C4orf50: variants seen among roughly 807,000 people sequenced by gnomAD.
C4orf50 encodes chromosome 4 open reading frame 50.
C4orf50 carries 80 observed loss-of-function variants against 77.2 expected under a neutral mutation model. That is an observed-to-expected ratio of 1.04 (90% CI 0.87 to 1.25). The LOEUF (loss-of-function observed/expected upper bound fraction) is 1.25, where lower values mean the gene tolerates loss of function less well. Among genes scored for constraint, C4orf50 ranks in the 50% most tolerant of loss-of-function variants. C4orf50 has a pLI of 0.00. For synonymous variants in C4orf50, 532 were observed against 465.3 expected (o/e 1.14, Z -1.84); for missense variants, 1,257 against 1,152.9 (o/e 1.09, Z -1.31).
chr4:5,997,842 T>C (rs1721663442), intron 25 of C4orf50, among the ~76,000 whole-genome samples: 1 of 152,250 alleles, frequency 6.6e-6, no homozygotes, highest in Non-Finnish European at 1.5e-5. Flanking sequence ...ATCATTTCTC[T>C]ACAGGATCTT....
intron 7 of C4orf50, chr4:5,899,993 C>G (rs1716276684): frequency 6.6e-6 from 1 of 152,194 alleles, no homozygotes; most frequent in Non-Finnish European, 1.5e-5. Flanking sequence ...CAGCCCAGAG[C>G]CCTTCCGACC....
intron 7 of C4orf50, among the ~76,000 whole-genome samples, chr4:5,941,867 G>A (rs534366195): frequency 6.6e-6 from 1 of 152,230 alleles, no homozygotes; most frequent in East Asian, 1.9e-4. Context: ...ACTTTCACTA[G>A]GTACTCCTTG....
Position 6,017,099 on chromosome 4 carries a change from C to T in C4orf50, c.287+1046G>A, listed in dbSNP as rs1024209784. Among the ~76,000 whole-genome samples the T allele has an allele frequency of 6.6e-6, 1 of 152,222 alleles. No individual in the cohort carries two copies. Among genetic ancestry groups the T allele is most frequent in the African/African-American group, 2.4e-5 (1 of 41,456 alleles). The stretch of plus-strand genomic sequence containing the variant: ...GAAAGACCTGGATTCAAACGCCCCA[C>T]CTTGAGGCCAGGTCAGCTCCATCAG... On this transcript the variant is annotated intron_variant, in intron 23 of 33. Coordinates refer to ENST00000531445, the Ensembl canonical transcript of C4orf50. This position sits in a 1 kb window ranked among gnomAD's most constrained non-coding sequence, Gnocchi z 4.7.
chr4:5,971,998 T>G (rs1719953470), intron 31 of C4orf50, among the ~76,000 whole-genome samples: 1 of 143,590 alleles, frequency 7.0e-6, no homozygotes, highest in Non-Finnish European at 1.5e-5. Flanking sequence ...AACCTGGAAC[T>G]CTGCTTTCGA....
Position 6,008,550 on chromosome 4 carries a change from A to T in C4orf50, c.427-18T>A, listed in dbSNP as rs1722351923. 2.5e-6 allele frequency: 1 copy of T among 397,638 alleles called. No homozygotes were observed. Among genetic ancestry groups the T allele is most frequent in the Non-Finnish European group, 4.4e-6 (1 of 225,434 alleles). The allele number at this position is 397,638 out of a possible 1,614,324, so 24.6% of individuals were successfully genotyped here. On this transcript the variant is annotated intron_variant, in intron 24 of 33. Coordinates refer to ENST00000531445, the Ensembl canonical transcript of C4orf50. The surrounding 1 kb of genome is among the most constrained non-coding windows in gnomAD (Gnocchi z 6.0). ...TCCCGGATCTACAAGTTGGCGGTGGATGAGGGCGTCAGCAAGCCCAAAGGA... is the reference window on the plus strand; with the variant it reads ...TCCCGGATCTACAAGTTGGCGGTGGTTGAGGGCGTCAGCAAGCCCAAAGGA...
intron 27 of C4orf50, among the ~76,000 whole-genome samples, chr4:5,991,206 C>T (rs1452589153): frequency 2.0e-5 from 3 of 152,200 alleles, no homozygotes; most frequent in African/African-American, 4.8e-5. Flanking sequence ...TCATCTAACT[C>T]CCCCTATAGC....
At chr4:5,967,657 T>A (rs1313933260) in intron 31 of C4orf50, among the ~76,000 whole-genome samples, 195 bp from the exon 10 acceptor site, 1 of 152,214 alleles carries the variant, frequency 6.6e-6, no homozygotes, top group Non-Finnish European at 1.5e-5. Context: ...AAAACGGAAT[T>A]GGTTTTGCTC....
chr4:5,927,642 T>C (rs112431564), intron 7 of C4orf50, among the ~76,000 whole-genome samples: 1 of 149,940 alleles, frequency 6.7e-6, no homozygotes, highest in African/African-American at 2.5e-5. Flanking sequence ...TCTCTCTCTC[T>C]GTCTCTCTTT....
At chr4:5,960,848 A>G (rs1028589959) in intron 33 of C4orf50, among the ~76,000 whole-genome samples, 1 of 152,176 alleles carries the variant, frequency 6.6e-6, no homozygotes, top group Admixed American at 6.5e-5. Context: ...TCTGGACTCC[A>G]TCTTATAATA....
At chr4:5,974,867 G>A (rs1420762460) in intron 30 of C4orf50, among the ~76,000 whole-genome samples, 2 of 152,144 alleles carry the variant, frequency 1.3e-5, no homozygotes, top group African/African-American at 2.4e-5. Flanking sequence ...GGCCGGGTAC[G>A]GTGGCTCATG....
chr4:6,004,649 A>G (rs1339219901), intron 25 of C4orf50, among the ~76,000 whole-genome samples: 1 of 116,318 alleles, frequency 8.6e-6, no homozygotes. Flanking sequence ...GGTGATGGTG[A>G]TTATGGTGAT....
At position 6,015,867 on chromosome 4, in the gene C4orf50, G is replaced by T. The variant is rs1013861202; in HGVS notation, c.287+2278C>A. Among the ~76,000 whole-genome samples the T allele has an allele frequency of 2.6e-5, 4 of 152,038 alleles. No homozygotes were observed. The highest frequency in any genetic ancestry group is 5.9e-5 in the Non-Finnish European group (4 of 68,008). On this transcript the variant is annotated intron_variant, in intron 23 of 33. Transcript: ENST00000531445. This position sits in a 1 kb window ranked among gnomAD's most constrained non-coding sequence, Gnocchi z 4.4. ...ACTCAACCCTCTCTGTCTCCCTCTC[G>T]CAAGGATACTTGTGATTGGTCTTAG... is the stretch of plus-strand genomic sequence containing the variant.
intron 7 of C4orf50, among the ~76,000 whole-genome samples, chr4:5,921,193 G>C (rs114321603): frequency 0.02 from 3,092 of 152,332 alleles, 59 homozygotes; most frequent in South Asian, 0.045. Context: ...TGTCCGGCGG[G>C]GATGTGCGGT....
intron 25 of C4orf50, among the ~76,000 whole-genome samples, chr4:6,004,312 GATGTGATCGTA>G (rs1473077784): frequency 6.2e-5 from 3 of 48,672 alleles, no homozygotes; most frequent in Non-Finnish European, 8.8e-5. Context: ...TGGTGGTGAT[GATGTGATCGTA>G]ATGGTGATGA....
chr4:6,017,078 G>A lies in C4orf50; in HGVS notation c.287+1067C>T, dbSNP rs75614946. ...GGAAAGAAGATGGGCTTTAGAGAAAGACCTGGATTCAAACGCCCCACCTTG... is the reference window on the plus strand; with the variant it reads ...GGAAAGAAGATGGGCTTTAGAGAAAAACCTGGATTCAAACGCCCCACCTTG... On this transcript the variant is annotated intron_variant, in intron 23 of 33. Coordinates refer to ENST00000531445, the Ensembl canonical transcript of C4orf50. The surrounding 1 kb of genome is among the most constrained non-coding windows in gnomAD (Gnocchi z 4.7). Among the ~76,000 whole-genome samples the A allele has an allele frequency of 6.0e-3, 911 of 152,360 alleles. 11 individuals carry two copies. The highest frequency in any genetic ancestry group is 0.021 in the African/African-American group (867 of 41,586).
intron 7 of C4orf50, among the ~76,000 whole-genome samples, chr4:5,936,203 T>G: frequency 8.0e-6 from 1 of 124,418 alleles, no homozygotes; most frequent in African/African-American, 3.1e-5. Flanking sequence ...GTCTTCATGC[T>G]GCAGGAAAAA....
intron 25 of C4orf50, among the ~76,000 whole-genome samples, chr4:6,004,390 G>GTGATGA (rs1560599243): frequency 1.1e-4 from 8 of 70,058 alleles, no homozygotes; most frequent in South Asian, 9.5e-4. Context: ...GATGGTGATG[G>GTGATGA]TGGTGATGGT....
intron 29 of C4orf50, among the ~76,000 whole-genome samples, chr4:5,977,417 T>C (rs1296925460): frequency 3.9e-5 from 6 of 152,318 alleles, no homozygotes; most frequent in Middle Eastern, 3.4e-3. Context: ...GTGCAAAAGG[T>C]CTTGCATCTT....
chr4:5,912,736 C>G (rs1716863968), intron 7 of C4orf50, among the ~76,000 whole-genome samples: 1 of 152,162 alleles, frequency 6.6e-6, no homozygotes, highest in African/African-American at 2.4e-5. Context: ...GGCCCAGAGC[C>G]TTTATTGTGA....
Sources: gnomAD v4.1 joint callset for allele counts (sites outside exome capture counted in the v4.1 genomes callset) on GRCh38, gnomAD v4.1.1 for gene constraint, Gnocchi (gnomAD v3.1) non-coding constraint, MANE v1.5 for transcripts, NCBI Gene and HGNC (gene_info 2026-07-23, HGNC 2026-07-21) for gene names.